Variants in MLC1 observed in about 807,000 individuals in gnomAD.
MLC1 encodes membrane protein MLC1.
Under a neutral mutation model 44.7 loss-of-function variants are expected in MLC1, and 32 were observed. The observed-to-expected ratio is 0.72, with a 90% CI of 0.54 to 0.96. The LOEUF is 0.96. Among genes scored for constraint, MLC1 ranks in the 40% least tolerant of loss-of-function variants. The pLI is 0.00. For missense variants in MLC1, 459 were observed against 492.2 expected (o/e 0.93, Z 0.64); for synonymous variants, 190 against 213.0 (o/e 0.89, Z 0.94).
intron 10 of MLC1, among the ~76,000 whole-genome samples, chr22:50,067,259 C>G (rs933349404): frequency 3.9e-5 from 6 of 152,028 alleles, no homozygotes; most frequent in African/African-American, 1.5e-4. Context: ...GCCGAGGACG[C>G]TATCCCCCTT....
At chr22:50,072,652 A>C (rs1259619205) in intron 8 of MLC1, 1 of 152,328 alleles carries the variant, frequency 6.6e-6, no homozygotes, top group African/African-American at 2.4e-5. Flanking sequence ...AGTGCCTTTC[A>C]TTCTCAACTT....
intron 10 of MLC1, among the ~76,000 whole-genome samples, chr22:50,064,571 G>A (rs117303831): frequency 0.013 from 1,925 of 152,252 alleles, 34 homozygotes; most frequent in East Asian, 0.04. Context: ...AGCGCTGACC[G>A]TTCCGTGTCA....
chr22:50,076,768 G>C, intron 7 of MLC1, 73 bp downstream of exon 7: 1 of 1,525,292 alleles, frequency 6.6e-7, no homozygotes, highest in Middle Eastern at 1.7e-4. Context: ...GAATCGAAAC[G>C]TGACGTTTAA....
chr22:50,081,085 T>C (rs2062128638), intron 3 of MLC1, among the ~76,000 whole-genome samples: 1 of 114,162 alleles, frequency 8.8e-6, no homozygotes, highest in Non-Finnish European at 1.9e-5. Context: ...GGCTCACACC[T>C]GTAATCCCAG....
chr22:50,079,056 G>A (rs1422383602), intron 5 of MLC1, among the ~76,000 whole-genome samples: 2 of 151,770 alleles, frequency 1.3e-5, no homozygotes, highest in African/African-American at 4.8e-5. Context: ...GGCCGAGGTG[G>A]ATGGATCACC....
chr22:50,079,998 A>G lies in MLC1; in HGVS notation c.343T>C (p.Phe115Leu), dbSNP rs2146905010. Reference protein sequence around the residue: ...ANVIPNFQILFVSTFAVTTTC... With the variant: ...ANVIPNFQILLVSTFAVTTTC... Reference sequence around the variant, plus strand: ...GTGGTCACAGCAAACGTGGAAACAAACAATATCTGAAAGTTGGGAATCTGA... The same window carrying G: ...GTGGTCACAGCAAACGTGGAAACAAGCAATATCTGAAAGTTGGGAATCTGA... Residue 115 changes from phenylalanine to leucine, a missense_variant, in exon 5 of 12, where the codon TTT becomes CTT. Coordinates refer to ENST00000311597, the MANE Select transcript of MLC1 (RefSeq NM_015166.4). 1 of 1,614,024 alleles carries G rather than the reference A, an allele frequency of 6.2e-7. No homozygotes were observed. Among genetic ancestry groups the G allele is most frequent in the Non-Finnish European group, 8.5e-7 (1 of 1,179,828 alleles).
intron 5 of MLC1, among the ~76,000 whole-genome samples, chr22:50,079,500 CTTTTT>C (rs55760839): frequency 4.0e-5 from 3 of 75,820 alleles, no homozygotes; most frequent in Admixed American, 2.0e-4. Flanking sequence ...GGATTTTTGT[CTTTTT>C]TTTTTTTTTT....
At chr22:50,067,892 T>C (rs2061749709) in intron 10 of MLC1, among the ~76,000 whole-genome samples, 1 of 151,148 alleles carries the variant, frequency 6.6e-6, no homozygotes, top group South Asian at 2.1e-4. Context: ...CATGTTGACC[T>C]GGAGCAAACA....
chr22:50,081,191 A>C (rs927422219), intron 3 of MLC1, among the ~76,000 whole-genome samples: 1 of 151,764 alleles, frequency 6.6e-6, no homozygotes, highest in Non-Finnish European at 1.5e-5. Flanking sequence ...AATACAAAAA[A>C]AATTAGCTGG....
In MLC1 at chr22:50,070,661, G is replaced by C. The variant is rs143558056; in HGVS notation, c.715-78C>G. On this transcript the variant is annotated intron_variant, in intron 8 of 11. Transcript: ENST00000311597. ...ATTCCAAACATGTGCCCTCCCACCA[G>C]TGACCCCTCCATGCAGGCTGCCTGG... 8.2e-4 allele frequency: 1,183 copies of C among 1,439,434 alleles called. 10 individuals are homozygous for C. The African/African-American group carries it at 0.014, about 18-fold the overall frequency. 89.2% of individuals were successfully genotyped at this position (1,439,434 alleles called of 1,614,324 possible). A position where few individuals can be genotyped will look rare whatever the true frequency, so the allele number is the denominator to read the frequency against.
intron 3 of MLC1, among the ~76,000 whole-genome samples, chr22:50,081,223 G>T (rs1402891135): frequency 6.6e-6 from 1 of 151,846 alleles, no homozygotes; most frequent in Non-Finnish European, 1.5e-5. Flanking sequence ...GGTGCCTGTA[G>T]TCCCAGCTAC....
chr22:50,061,153 T>C lies in MLC1; in HGVS notation c.*430A>G, dbSNP rs41283494. On this transcript the variant is annotated 3_prime_UTR_variant, in exon 12 of 12. Coordinates refer to ENST00000311597, the MANE Select transcript of MLC1 (RefSeq NM_015166.4). ...GAGTACCCGGGACAGACCCTAAGCG[T>C]GGAGGGAGGAAGCCCGGTCAGAGTG... is the stretch of plus-strand genomic sequence containing the variant. 3.2e-4 allele frequency: 87 copies of C among 271,168 alleles called. No individual in the cohort carries two copies. Among genetic ancestry groups the C allele is most frequent in the Non-Finnish European group, 5.6e-4 (76 of 136,784 alleles). 16.8% of individuals were successfully genotyped at this position (271,168 alleles called of 1,614,324 possible).
intron 6 of MLC1, 127 bp downstream of exon 6, chr22:50,077,274 G>A (rs2062007057): frequency 3.5e-6 from 3 of 858,132 alleles, no homozygotes; most frequent in Non-Finnish European, 3.8e-6. Context: ...CAGGAGAGAG[G>A]GGTCTCATGG....
At chr22:50,065,745 C>T (rs561236034) in intron 10 of MLC1, among the ~76,000 whole-genome samples, 3 of 152,306 alleles carry the variant, frequency 2.0e-5, no homozygotes, top group East Asian at 1.9e-4. Flanking sequence ...GGAAGGTGGA[C>T]GGCCCCCATT....
Position 50,076,835 on chromosome 22 carries a change from T to C in MLC1, c.597+6A>G, listed in dbSNP as rs2061993265. 1 of 1,613,490 alleles carries C rather than the reference T, an allele frequency of 6.2e-7. No homozygotes were observed. Among genetic ancestry groups the C allele is most frequent in the Admixed American group, 1.7e-5 (1 of 60,006 alleles). ...GAGAAAAGAGAAAGAAGGGAAGTTTTCTTACTGAGTAAGATTTCAGGACCC... is the reference window on the plus strand; with the variant it reads ...GAGAAAAGAGAAAGAAGGGAAGTTTCCTTACTGAGTAAGATTTCAGGACCC... On this transcript the variant is annotated splice_donor_region_variant and intron_variant, in intron 7 of 11. Transcript: ENST00000311597.
rs372856066 is a variant in MLC1 at position 50,084,581 on chromosome 22, C to T, written c.177+145G>A. On this transcript the variant is annotated intron_variant, in intron 2 of 11. Coordinates refer to ENST00000311597, the MANE Select transcript of MLC1 (RefSeq NM_015166.4). ...TGTGAAAACACAAGCAAAACAAGCTCGTCGGCATCCAAGAGTTCTGCAGCA... is the reference window on the plus strand; with the variant it reads ...TGTGAAAACACAAGCAAAACAAGCTTGTCGGCATCCAAGAGTTCTGCAGCA... 2.6e-5 allele frequency: 23 copies of T among 895,978 alleles called. No individual in the cohort carries two copies. The African/African-American group carries it at 2.8e-4, about 11-fold the overall frequency. The allele number at this position is 895,978 out of a possible 1,614,324, so 55.5% of individuals were successfully genotyped here.
At chr22:50,077,057 G>A in intron 6 of MLC1, 145 bp from the exon 7 acceptor site, 1 of 818,690 alleles carries the variant, frequency 1.2e-6, no homozygotes, top group Non-Finnish European at 2.1e-6. Context: ...GGATCTTTGG[G>A]CTTGAGGAAA....
At chr22:50,063,316 T>C (rs1023425027) in intron 11 of MLC1, among the ~76,000 whole-genome samples, 4 of 151,366 alleles carry the variant, frequency 2.6e-5, no homozygotes, top group Non-Finnish European at 5.9e-5. Flanking sequence ...CTACTAAAAA[T>C]AGAAAAATTA....
At chr22:50,072,326 G>A (rs909683133) in intron 8 of MLC1, among the ~76,000 whole-genome samples, 3 of 152,238 alleles carry the variant, frequency 2.0e-5, no homozygotes, top group Non-Finnish European at 2.9e-5. Context: ...CTCCAGCCCC[G>A]AGCACCTGCC....
Sources: gnomAD v4.1 joint callset for allele counts (sites outside exome capture counted in the v4.1 genomes callset) on GRCh38, gnomAD v4.1.1 for gene constraint, MANE v1.5 for transcripts, NCBI Gene and HGNC (gene_info 2026-07-23, HGNC 2026-07-21) for gene names.